The following IL27RA variants were observed in gnomAD, a reference collection of about 807,000 sequenced individuals.
The protein encoded by IL27RA is interleukin-27 receptor subunit alpha.
A neutral mutation model predicts 80.8 loss-of-function variants in IL27RA; 61 were observed. That is an observed-to-expected ratio of 0.76 (90% CI 0.61 to 0.93). The LOEUF (loss-of-function observed/expected upper bound fraction) is 0.93. Ranked by LOEUF, IL27RA falls within the 40% of genes least tolerant of loss-of-function variation. IL27RA has a pLI of 0.00. For missense variants in IL27RA, 735 were observed against 808.1 expected, an observed-to-expected ratio of 0.91 and a Z score of 1.10; for synonymous variants, 316 against 332.5, an observed-to-expected ratio of 0.95 and a Z score of 0.54.
intron 4 of IL27RA, 141 bp from the exon 5 acceptor site, chr19:14,042,312 G>GCCAAA (rs1976000864): frequency 1.2e-6 from 1 of 852,368 alleles, no homozygotes; most frequent in Admixed American, 2.4e-5. Context: ...GTTGCAGTGA[G>GCCAAA]CCAAGATCAC....
intron 8 of IL27RA, among the ~76,000 whole-genome samples, chr19:14,047,168 C>T (rs1251793244): frequency 2.7e-5 from 4 of 149,544 alleles, no homozygotes; most frequent in South Asian, 4.3e-4. Flanking sequence ...CTCAGCTTCC[C>T]GAGTAGCTGG....
intron 2 of IL27RA, among the ~76,000 whole-genome samples, chr19:14,035,297 A>G (rs774961810): frequency 2.4e-4 from 36 of 150,982 alleles, no homozygotes; most frequent in Non-Finnish European, 4.9e-4. Flanking sequence ...GTGCCTGGCC[A>G]AAATCTACGA....
intron 13 of IL27RA, 53 bp downstream of exon 13, chr19:14,052,026 G>T: frequency 6.4e-7 from 1 of 1,573,272 alleles, no homozygotes; most frequent in Non-Finnish European, 8.6e-7. Context: ...GGGAGTCCTG[G>T]GGCAGTGGGG....
chr19:14,037,865 T>G (rs1432537509), intron 2 of IL27RA, among the ~76,000 whole-genome samples: 2 of 145,734 alleles, frequency 1.4e-5, no homozygotes, highest in East Asian at 4.1e-4. Flanking sequence ...GGAGTCTTGC[T>G]CTGTTGCCAG....
chr19:14,036,494 T>TTC (rs1161046475), intron 2 of IL27RA, among the ~76,000 whole-genome samples: 1 of 151,336 alleles, frequency 6.6e-6, no homozygotes, highest in African/African-American at 2.4e-5. Flanking sequence ...ATTTCCTTTT[T>TTC]TTTTTTTTTT....
chr19:14,032,353 C>T, intron 1 of IL27RA, 33 bp from the exon 2 acceptor site: 2 of 1,528,460 alleles, frequency 1.3e-6, no homozygotes, highest in South Asian at 1.1e-5. Flanking sequence ...GGATTCGACC[C>T]CCTTTCCTGA....
At chr19:14,033,965 A>G (rs1395852072) in intron 2 of IL27RA, among the ~76,000 whole-genome samples, 2 of 152,180 alleles carry the variant, frequency 1.3e-5, no homozygotes, top group East Asian at 1.9e-4. Context: ...CTCCATCTCA[A>G]AAACACTAAA....
chr19:14,042,466 T>G lies in IL27RA; in HGVS notation c.548T>G (p.Leu183Arg), dbSNP rs145822497. The G allele has an allele frequency of 2.2e-5, 36 of 1,613,888 alleles. No individual in the cohort carries two copies. Among genetic ancestry groups the G allele is most frequent in the Non-Finnish European group, 3.0e-5 (35 of 1,179,984 alleles). Residue 183 changes from leucine to arginine, a missense_variant, in exon 5 of 14, where the codon CTG becomes CGG. By Grantham distance (102) the Leu-to-Arg change is moderately radical. Transcript: ENST00000263379. The stretch of plus-strand genomic sequence containing the variant: ...TCTCTCCCCCAGCTGGAACCGGAGC[T>G]GAAGACCATACCCCTGACCCCTGTT... ...EAAWTLLEPE[L>R]KTIPLTPVEI...
chr19:14,037,361 A>G (rs534361665), intron 2 of IL27RA, among the ~76,000 whole-genome samples: 2 of 151,864 alleles, frequency 1.3e-5, no homozygotes, highest in Non-Finnish European at 2.9e-5. Context: ...TTCGGGTTCA[A>G]GTGATTCTCC....
At chr19:14,039,413 G>A in intron 2 of IL27RA, 95 bp from the exon 3 acceptor site, 10 of 1,428,000 alleles carry the variant, frequency 7.0e-6, no homozygotes, top group Non-Finnish European at 8.5e-6. Flanking sequence ...AACCCAAGCA[G>A]AGCAGGCTGC....
intron 6 of IL27RA, among the ~76,000 whole-genome samples, chr19:14,044,120 G>C (rs749917770): frequency 4.0e-5 from 6 of 151,524 alleles, no homozygotes; most frequent in Non-Finnish European, 8.8e-5. Context: ...ATTCAAATCT[G>C]TGAAGCACCT....
chr19:14,048,522 C>T (rs1377812192), intron 8 of IL27RA, among the ~76,000 whole-genome samples: 3 of 152,134 alleles, frequency 2.0e-5, no homozygotes, highest in Admixed American at 6.6e-5. Flanking sequence ...GTTTGACCAC[C>T]TCAGAGGTTT....
chr19:14,049,096 TG>T lies in IL27RA; in HGVS notation c.1243+16del, dbSNP rs1227141430. Reference sequence around the variant, plus strand: ...GGGAGGAATTAGGTAAGAGTGGGGCTGGAGGATGGGGGGGCTTCTGTAACCC... The same window carrying T: ...GGGAGGAATTAGGTAAGAGTGGGGCTGAGGATGGGGGGGCTTCTGTAACCC... On this transcript the variant is annotated intron_variant, in intron 9 of 13. Coordinates refer to ENST00000263379, the MANE Select transcript of IL27RA (RefSeq NM_004843.4). The T allele has an allele frequency of 6.2e-7, 1 of 1,612,916 alleles. No individual in the cohort carries two copies. Among genetic ancestry groups the T allele is most frequent in the East Asian group, 2.2e-5 (1 of 44,852 alleles).
chr19:14,044,662 G>A (rs1976038131), intron 6 of IL27RA, among the ~76,000 whole-genome samples: 2 of 152,052 alleles, frequency 1.3e-5, no homozygotes. Flanking sequence ...TCACACAGGT[G>A]CAGGATCAAA....
At chr19:14,034,401 T>A (rs1047677550) in intron 2 of IL27RA, among the ~76,000 whole-genome samples, 1 of 152,166 alleles carries the variant, frequency 6.6e-6, no homozygotes, top group Non-Finnish European at 1.5e-5. Flanking sequence ...GGCTCACGCC[T>A]GTAATCCCAG....
intron 10 of IL27RA, 79 bp from the exon 11 acceptor site, chr19:14,050,679 C>T: frequency 1.4e-6 from 2 of 1,463,348 alleles, no homozygotes; most frequent in South Asian, 1.3e-5. Flanking sequence ...GAGAGTGTTG[C>T]AGACAGCAGG....
intron 1 of IL27RA, 104 bp from the exon 2 acceptor site, chr19:14,032,281 TA>T: frequency 1.1e-6 from 1 of 902,372 alleles, no homozygotes; most frequent in African/African-American, 1.7e-5. Context: ...CTCATTTCCC[TA>T]AGCCCCCCCA....
rs1197493506 is a variant in IL27RA at position 14,051,654 on chromosome 19, G to A, written c.1576G>A (p.Gly526Ser). 1.1e-5 allele frequency: 18 copies of A among 1,613,250 alleles called. No homozygotes were observed. In the Admixed American group the frequency reaches 2.2e-4, roughly 19 times the overall value. Residue 526 changes from glycine (G) to serine (S), a missense_variant, in exon 12 of 14, where the codon GGC becomes AGC. Physicochemically the swap from Gly to Ser is moderately conservative, Grantham distance 56. Transcript: ENST00000263379. ...KVLPGILFLW[G>S]LFLLGCGLSL... ...TCTGCCGGGCATCCTATTCTTGTGG[G>A]GCTTGTTCCTGTTGGGGTGTGGCCT...
chr19:14,033,824 TGTG>T (rs1975857731), intron 2 of IL27RA, among the ~76,000 whole-genome samples: 1 of 151,358 alleles, frequency 6.6e-6, no homozygotes, highest in Admixed American at 6.6e-5. Flanking sequence ...GATTAGCCGA[TGTG>T]GTGGTGCATG....
Sources: gnomAD v4.1 joint callset for allele counts (sites outside exome capture counted in the v4.1 genomes callset) on GRCh38, gnomAD v4.1.1 for gene constraint, MANE v1.5 for transcripts, NCBI Gene and HGNC (gene_info 2026-07-23, HGNC 2026-07-21) for gene names.